FOCAD: variants seen among roughly 807,000 people sequenced by gnomAD.
The protein encoded by FOCAD is KIAA1797.
FOCAD carries 198 observed loss-of-function variants against 225.6 expected under a neutral mutation model. The observed-to-expected ratio is 0.88, with a 90% CI of 0.78 to 0.99. The LOEUF is 0.99. Ranked by LOEUF, FOCAD falls within the 50% of genes least tolerant of loss-of-function variation. The pLI is 0.00. For missense variants in FOCAD, 2,713 were observed against 2,123.6 expected, an observed-to-expected ratio of 1.28 and a Z score of -5.46; for synonymous variants, 897 against 755.0, an observed-to-expected ratio of 1.19 and a Z score of -3.08.
At chr9:20,773,019 G>T (rs914034750) in intron 8 of FOCAD, among the ~76,000 whole-genome samples, 11 of 151,598 alleles carry the variant, frequency 7.3e-5, no homozygotes, top group Non-Finnish European at 1.5e-4. Flanking sequence ...TATACAGAAA[G>T]ATATTTTATA....
At chr9:20,888,997 A>C (rs1831375383) in intron 21 of FOCAD, among the ~76,000 whole-genome samples, 1 of 152,148 alleles carries the variant, frequency 6.6e-6, no homozygotes, top group South Asian at 2.1e-4. Flanking sequence ...TATACCATAA[A>C]ATTTACTTAT....
At chr9:20,865,643 A>T (rs549785655) in intron 16 of FOCAD, among the ~76,000 whole-genome samples, 6 of 152,230 alleles carry the variant, frequency 3.9e-5, no homozygotes, top group African/African-American at 1.4e-4. Context: ...TGAAAGAGTG[A>T]CATTTCTGTT....
chr9:20,743,006 T>A (rs1827758563), intron 5 of FOCAD, among the ~76,000 whole-genome samples: 1 of 152,186 alleles, frequency 6.6e-6, no homozygotes, highest in Non-Finnish European at 1.5e-5. Flanking sequence ...TATAAGAGCC[T>A]TAAGTTCCTC....
At chr9:20,968,052 C>A (rs763863822) in intron 35 of FOCAD, among the ~76,000 whole-genome samples, 2 of 151,922 alleles carry the variant, frequency 1.3e-5, no homozygotes, top group African/African-American at 4.8e-5. Flanking sequence ...TTTAAGTGTC[C>A]GGGAGAATTC....
chr9:20,993,379 G>A, intron 43 of FOCAD, 51 bp downstream of exon 43: 3 of 1,463,102 alleles, frequency 2.1e-6, no homozygotes, highest in Non-Finnish European at 2.9e-6. Context: ...CATTATTGTT[G>A]TCTGTGGAGC....
In FOCAD at chr9:20,758,088, A is replaced by G; in HGVS notation, c.393-2A>G. 1.9e-6 allele frequency: 3 copies of G among 1,597,268 alleles called. No homozygotes were observed. Among genetic ancestry groups the G allele is most frequent in the Non-Finnish European group, 2.6e-6 (3 of 1,173,212 alleles). Reference sequence around the variant, plus strand: ...TCCCATGTGACTTTCTGTGTCTTTCAGAAATCATCCTCATCCTTTGATAAC... The same window carrying G: ...TCCCATGTGACTTTCTGTGTCTTTCGGAAATCATCCTCATCCTTTGATAAC... On this transcript the variant is annotated splice_acceptor_variant, in intron 5 of 43. Coordinates refer to ENST00000338382, the MANE Select transcript of FOCAD (RefSeq NM_001375567.1). LOFTEE classifies it high-confidence loss of function.
At chr9:20,801,108 G>T (rs1564007987) in intron 11 of FOCAD, among the ~76,000 whole-genome samples, 1 of 152,214 alleles carries the variant, frequency 6.6e-6, no homozygotes, top group East Asian at 1.9e-4. Context: ...TTTGCCGGAG[G>T]TCCACTCCAG....
intron 28 of FOCAD, among the ~76,000 whole-genome samples, chr9:20,943,058 C>T (rs1018547408): frequency 2.6e-5 from 4 of 152,136 alleles, no homozygotes; most frequent in African/African-American, 9.7e-5. Flanking sequence ...TTATATGCAT[C>T]AATATACAAA....
rs1819993003 is a variant in FOCAD, at chr9:20,787,037, G to C, written c.1198-2314G>C. The stretch of plus-strand genomic sequence containing the variant: ...CCCTGGGACTGTGCCAGTGGCAGCT[G>C]TCACTCAATGGGACAATTTCTCCTG... On this transcript the variant is annotated intron_variant, in intron 10 of 43. Transcript: ENST00000338382. 7.2e-6 allele frequency: 3 copies of C among 416,534 alleles called. No homozygotes were observed. The Admixed American group carries it at 7.7e-5, about 11-fold the overall frequency. 25.8% of individuals were successfully genotyped at this position (416,534 alleles called of 1,614,324 possible). A position where few individuals can be genotyped will look rare whatever the true frequency, so the allele number is the denominator to read the frequency against.
At chr9:20,758,898 T>C (rs1390760664) in intron 6 of FOCAD, among the ~76,000 whole-genome samples, 1 of 152,184 alleles carries the variant, frequency 6.6e-6, no homozygotes, top group Non-Finnish European at 1.5e-5. Flanking sequence ...CTCCTTAAGC[T>C]GATAAGCAAC....
intron 38 of FOCAD, among the ~76,000 whole-genome samples, chr9:20,982,067 A>G (rs1015227479): frequency 6.6e-5 from 10 of 152,160 alleles, no homozygotes; most frequent in Non-Finnish European, 5.9e-5. Context: ...TCCCTCCCCC[A>G]AAAGACCTCT....
chr9:20,789,620 G>A lies in FOCAD; in HGVS notation c.1455+12G>A, dbSNP rs1449984405. 1.2e-6 allele frequency: 2 copies of A among 1,612,654 alleles called. No individual in the cohort carries two copies. Among genetic ancestry groups the A allele is most frequent in the African/African-American group, 1.3e-5 (1 of 74,844 alleles). ...CAGATTCCTCCCAGGTAAAGCAAGA[G>A]AATAATGGAACAATAATGAGAGGAA... On this transcript the variant is annotated intron_variant, in intron 11 of 43. Transcript: ENST00000338382.
chr9:20,827,115 G>C (rs7859786), intron 15 of FOCAD, among the ~76,000 whole-genome samples: 56,648 of 151,802 alleles, frequency 0.37, 10,846 homozygotes, highest in East Asian at 0.47. Context: ...TATTCAGAGA[G>C]TTATGCCACC....
At position 20,906,611 on chromosome 9, in the gene FOCAD, A is replaced by T. The variant is rs549094955; in HGVS notation, c.2626-539A>T. Among the ~76,000 whole-genome samples, 27 of 152,136 alleles carry T rather than the reference A, an allele frequency of 1.8e-4. 1 individual carries two copies. In the South Asian group the frequency reaches 5.2e-3, roughly 29 times the overall value. On this transcript the variant is annotated intron_variant, in intron 21 of 43. Coordinates refer to ENST00000338382, the MANE Select transcript of FOCAD (RefSeq NM_001375567.1). ...GTCTCTTGTTTACCCACACTGATTA[A>T]AGGCCATTTATCTAGTGGTGTGCAC...
intron 11 of FOCAD, among the ~76,000 whole-genome samples, chr9:20,807,632 T>G (rs904704723): frequency 6.6e-6 from 1 of 152,226 alleles, no homozygotes; most frequent in African/African-American, 2.4e-5. Flanking sequence ...TACATCTTGA[T>G]TCAGAGTAGC....
At chr9:20,820,812 T>G (rs575097966) in intron 13 of FOCAD, 129 bp from the exon 14 acceptor site, 1 of 996,148 alleles carries the variant, frequency 1.0e-6, no homozygotes, top group African/African-American at 1.6e-5. Flanking sequence ...TCTCTGCTGA[T>G]TAGAAGAACG....
upstream of FOCAD, among the ~76,000 whole-genome samples, chr9:20,656,116 G>C (rs1821471660): frequency 2.0e-5 from 3 of 149,828 alleles, no homozygotes; most frequent in South Asian, 2.1e-4. Context: ...CTGAGTTCTA[G>C]TTTGATTGCA....
chr9:20,715,363 G>C lies in FOCAD; in HGVS notation c.10G>C (p.Asp4His). MSDDIRKRFEFPNS... is the reference protein window; with the variant it reads MSDHIRKRFEFPNS... ...TGTAAGAGAAGCAAAAATGTCAGATGATATCAGGAAAAGGTTTGAATTTCC... is the reference window on the plus strand; with the variant it reads ...TGTAAGAGAAGCAAAAATGTCAGATCATATCAGGAAAAGGTTTGAATTTCC... Residue 4 changes from aspartate (D) to histidine (H), a missense_variant, in exon 2 of 44, where the codon GAT becomes CAT. Coordinates refer to ENST00000338382, the MANE Select transcript of FOCAD (RefSeq NM_001375567.1). 1 of 1,523,640 alleles carries C rather than the reference G, an allele frequency of 6.6e-7. No homozygotes were observed. Among genetic ancestry groups the C allele is most frequent in the Non-Finnish European group, 8.9e-7 (1 of 1,129,276 alleles). 94.4% of individuals were successfully genotyped at this position (1,523,640 alleles called of 1,614,324 possible).
At chr9:20,916,654 C>T (rs1015677437) in intron 23 of FOCAD, among the ~76,000 whole-genome samples, 1 of 152,188 alleles carries the variant, frequency 6.6e-6, no homozygotes, top group Non-Finnish European at 1.5e-5. Flanking sequence ...TGTACATCCC[C>T]CCTCAGTTAC....
Sources: gnomAD v4.1 joint callset for allele counts (sites outside exome capture counted in the v4.1 genomes callset) on GRCh38, gnomAD v4.1.1 for gene constraint, MANE v1.5 for transcripts, NCBI Gene and HGNC (gene_info 2026-07-23, HGNC 2026-07-21) for gene names.